LEPR: variants seen among roughly 807,000 people sequenced by gnomAD.
LEPR encodes OB receptor.
In LEPR, 56 loss-of-function variants were observed where a neutral mutation model predicts 114.7. The observed-to-expected ratio is 0.49, with a 90% CI of 0.39 to 0.61. The LOEUF (loss-of-function observed/expected upper bound fraction) is 0.61. Ranked by LOEUF, LEPR falls within the 20% of genes least tolerant of loss-of-function variation. The pLI is 0.00. For missense variants in LEPR, 1,202 were observed against 1,352.9 expected, an observed-to-expected ratio of 0.89 and a Z score of 1.75; for synonymous variants, 443 against 461.4, an observed-to-expected ratio of 0.96 and a Z score of 0.51.
At chr1:65,524,729 C>T (rs1382117467) in intron 2 of LEPR, among the ~76,000 whole-genome samples, 1 of 152,212 alleles carries the variant, frequency 6.6e-6, no homozygotes, top group Non-Finnish European at 1.5e-5. Flanking sequence ...TTCATTCTTT[C>T]TCCCTTACCC....
In LEPR at chr1:65,449,869, CCTTT is replaced by C. The variant is rs1646760503; in HGVS notation, c.-21+24494_-21+24497del. Among the ~76,000 whole-genome samples, 6 of 151,720 alleles carry C rather than the reference CCTTT, an allele frequency of 4.0e-5. No homozygotes were observed. The South Asian group carries it at 1.3e-3, about 32-fold the overall frequency. ...AGATGATTGATTTTATATCTTTCTT[CCTTT>C]CTAATATATACATTTAATGGCATAA... On this transcript the variant is annotated intron_variant, in intron 2 of 19. Coordinates refer to ENST00000349533, the MANE Select transcript of LEPR (RefSeq NM_002303.6).
chr1:65,637,086 T>A lies in LEPR; in HGVS notation c.*71T>A, dbSNP rs1254798147. 1.7e-5 allele frequency: 24 copies of A among 1,447,166 alleles called. 1 individual carries two copies. The highest frequency in any genetic ancestry group is 2.3e-5 in the Non-Finnish European group (24 of 1,059,646). 89.6% of individuals were successfully genotyped at this position (1,447,166 alleles called of 1,614,324 possible). On this transcript the variant is annotated 3_prime_UTR_variant, in exon 20 of 20. Transcript: ENST00000349533. ...AAGTGTAATAGATTATAGTTGTGGG[T>A]GGGAGAGAGAAAAGAAACCAGAGTC... is the stretch of plus-strand genomic sequence containing the variant.
At chr1:65,496,940 T>C (rs1648190255) in intron 2 of LEPR, among the ~76,000 whole-genome samples, 1 of 151,982 alleles carries the variant, frequency 6.6e-6, no homozygotes. Flanking sequence ...TCCAGGTGAT[T>C]CATGTGCACA....
In LEPR at chr1:65,634,218, G is replaced by A. The variant is rs576922981; in HGVS notation, c.2674-1973G>A. The A allele has an allele frequency of 5.3e-5, 49 of 923,022 alleles. 1 individual carries two copies. The highest frequency in any genetic ancestry group is 5.6e-4 in the Middle Eastern group (1 of 1,800). 57.2% of individuals were successfully genotyped at this position (923,022 alleles called of 1,614,324 possible). ...CAGTATTCAAATTTATTATATATGC[G>A]TATATATGTATATATGGATCCCTTA... On this transcript the variant is annotated intron_variant, in intron 19 of 19. Coordinates refer to ENST00000349533, the MANE Select transcript of LEPR (RefSeq NM_002303.6).
intron 14 of LEPR, among the ~76,000 whole-genome samples, chr1:65,615,321 T>G (rs1368293253): frequency 6.6e-6 from 1 of 152,218 alleles, no homozygotes; most frequent in Admixed American, 6.5e-5. Flanking sequence ...TGGGGTACAC[T>G]GTTAACCTCT....
intron 1 of LEPR, chr1:65,421,190 T>C: frequency 2.4e-6 from 2 of 843,816 alleles, no homozygotes; most frequent in Non-Finnish European, 1.7e-6. Context: ...CTAATGATTT[T>C]TCCAACTGGG....
intron 2 of LEPR, among the ~76,000 whole-genome samples, chr1:65,539,239 G>T: frequency 7.5e-6 from 1 of 133,050 alleles, no homozygotes. Flanking sequence ...ACTCATTAAA[G>T]ATTTGTTAAA....
chr1:65,623,039 A>G, intron 19 of LEPR, 58 bp downstream of exon 19: 1 of 1,519,018 alleles, frequency 6.6e-7, no homozygotes, highest in South Asian at 1.1e-5. Context: ...TAGACGCCAT[A>G]TGACTTATAG....
At chr1:65,500,577 A>G (rs558679126) in intron 2 of LEPR, among the ~76,000 whole-genome samples, 1 of 152,290 alleles carries the variant, frequency 6.6e-6, no homozygotes, top group South Asian at 2.1e-4. Flanking sequence ...CACTTAATGA[A>G]TAGTAAATAT....
chr1:65,569,992 G>A (rs924618895), intron 3 of LEPR, among the ~76,000 whole-genome samples: 2 of 152,092 alleles, frequency 1.3e-5, no homozygotes, highest in African/African-American at 4.8e-5. Flanking sequence ...AGTGCTCAGC[G>A]AAAGCAGTGT....
chr1:65,469,209 G>T (rs1386384500), intron 2 of LEPR, among the ~76,000 whole-genome samples: 2 of 152,192 alleles, frequency 1.3e-5, no homozygotes, highest in African/African-American at 4.8e-5. Context: ...ATGAGGCAGG[G>T]CTGTGTCTGT....
intron 5 of LEPR, among the ~76,000 whole-genome samples, chr1:65,585,028 G>T (rs1345180407): frequency 6.6e-6 from 1 of 151,990 alleles, no homozygotes; most frequent in Admixed American, 6.6e-5. Flanking sequence ...TCAGAACATA[G>T]ATTGCTTAGC....
chr1:65,473,936 C>G (rs1369990497), intron 2 of LEPR, among the ~76,000 whole-genome samples: 1 of 152,170 alleles, frequency 6.6e-6, no homozygotes, highest in African/African-American at 2.4e-5. Context: ...CCAGTAGTTT[C>G]AGCCAGGATC....
At chr1:65,509,622 C>CT (rs1459945146) in intron 2 of LEPR, among the ~76,000 whole-genome samples, 20 of 152,184 alleles carry the variant, frequency 1.3e-4, no homozygotes, top group Admixed American at 1.0e-3. Flanking sequence ...GTCTCCTTGA[C>CT]TTTAAAATTC....
At chr1:65,546,221 T>G (rs919690648) in intron 2 of LEPR, among the ~76,000 whole-genome samples, 23 of 152,220 alleles carry the variant, frequency 1.5e-4, no homozygotes, top group Admixed American at 2.6e-4. Flanking sequence ...CCTTGTAGTA[T>G]AGTTTGAAGT....
intron 8 of LEPR, among the ~76,000 whole-genome samples, chr1:65,599,199 G>T (rs781278858): frequency 6.6e-6 from 1 of 151,864 alleles, no homozygotes; most frequent in Non-Finnish European, 1.5e-5. Context: ...TTTTACTCCA[G>T]ATGCTTGCTT....
intron 19 of LEPR, 157 bp downstream of exon 19, chr1:65,623,138 G>A: frequency 2.7e-6 from 2 of 751,030 alleles, no homozygotes; most frequent in Middle Eastern, 3.9e-4. Context: ...AGAATAGCAG[G>A]ATGCAGGGAT....
chr1:65,598,970 T>G (rs1035184109), intron 8 of LEPR, among the ~76,000 whole-genome samples, 166 bp downstream of exon 8: 1 of 152,186 alleles, frequency 6.6e-6, no homozygotes, highest in African/African-American at 2.4e-5. Flanking sequence ...ATTAAAATTC[T>G]GTCAGAGCCT....
chr1:65,580,123 A>G (rs1038840948), intron 5 of LEPR, among the ~76,000 whole-genome samples: 10 of 152,200 alleles, frequency 6.6e-5, no homozygotes, highest in Admixed American at 4.6e-4. Context: ...ATATACCTCT[A>G]TGATTTGGTT....
Sources: gnomAD v4.1 joint callset for allele counts (sites outside exome capture counted in the v4.1 genomes callset) on GRCh38, gnomAD v4.1.1 for gene constraint, MANE v1.5 for transcripts, NCBI Gene and HGNC (gene_info 2026-07-23, HGNC 2026-07-21) for gene names.